Variants in ASB15 observed in about 807,000 individuals in gnomAD.
The protein encoded by ASB15 is ankyrin repeat and SOCS box containing 15, also known as ankyrin repeat and SOCS box protein 15.
ASB15 carries 54 observed loss-of-function variants against 58.0 expected under a neutral mutation model. The ratio of observed to expected loss-of-function variants is 0.93; its 90% CI spans 0.75 to 1.17. The LOEUF is 1.17. Ranked by LOEUF, ASB15 falls within the 50% of genes most tolerant of loss-of-function variation. ASB15 has a pLI of 0.00. For synonymous variants in ASB15, 249 were observed against 262.4 expected (o/e 0.95, Z 0.50); for missense variants, 680 against 707.4 (o/e 0.96, Z 0.44).
chr7:123,574,945 T>C (rs1178679441), intron 1 of ASB15, among the ~76,000 whole-genome samples: 6 of 151,864 alleles, frequency 4.0e-5, no homozygotes, highest in African/African-American at 7.3e-5. Flanking sequence ...TTAAGACACA[T>C]AGGGGAGAAA....
intron 11 of ASB15, among the ~76,000 whole-genome samples, chr7:123,636,411 T>C (rs1290706347): frequency 2.0e-5 from 3 of 152,232 alleles, no homozygotes; most frequent in Non-Finnish European, 2.9e-5. Context: ...TCATGGATAG[T>C]TATTTATCAG....
chr7:123,606,322 T>C (rs1800147102), intron 2 of ASB15, among the ~76,000 whole-genome samples: 4 of 152,202 alleles, frequency 2.6e-5, no homozygotes, highest in Admixed American at 2.6e-4. Flanking sequence ...TTCTACCTGC[T>C]TTCCTGTACA....
rs1802485077 is a variant in ASB15 at position 123,637,523 on chromosome 7, A to C, written c.*542A>C. The C allele has an allele frequency of 6.6e-6, 1 of 152,418 alleles. No homozygotes were observed. Among genetic ancestry groups the C allele is most frequent in the African/African-American group, 2.4e-5 (1 of 41,410 alleles). 9.4% of individuals were successfully genotyped at this position (152,418 alleles called of 1,614,324 possible). A position where few individuals can be genotyped will look rare whatever the true frequency, so the allele number is the denominator to read the frequency against. ...ACATTGTTGCCTGTTCCTTGCTTGAAATGATATCTCTTTCCTTGTTTCTCG... is the reference window on the plus strand; with the variant it reads ...ACATTGTTGCCTGTTCCTTGCTTGACATGATATCTCTTTCCTTGTTTCTCG... On this transcript the variant is annotated 3_prime_UTR_variant, in exon 12 of 12. Transcript: ENST00000451215.
At chr7:123,606,502 T>C (rs1403000073) in intron 2 of ASB15, among the ~76,000 whole-genome samples, 1 of 152,220 alleles carries the variant, frequency 6.6e-6, no homozygotes, top group East Asian at 1.9e-4. Flanking sequence ...TCTTAAAATC[T>C]ACACCCTTAG....
At chr7:123,594,731 C>T (rs981481197) in intron 1 of ASB15, among the ~76,000 whole-genome samples, 4 of 152,172 alleles carry the variant, frequency 2.6e-5, no homozygotes, top group Non-Finnish European at 5.9e-5. Context: ...TGTCAGGCTA[C>T]ACGGGGGTCA....
Position 123,637,757 on chromosome 7 carries a change from T to C in ASB15, c.*776T>C, listed in dbSNP as rs568571304. 5 of 151,412 alleles carry C rather than the reference T, an allele frequency of 3.3e-5. No individual in the cohort carries two copies. The highest frequency in any genetic ancestry group is 7.4e-5 in the Non-Finnish European group (5 of 67,966). 9.4% of individuals were successfully genotyped at this position (151,412 alleles called of 1,614,324 possible). ...TGGTCTTAATCATTTTGCTAGAGAC[T>C]ACAAAATTTCCATCCAAAGCTCAGC... is the stretch of plus-strand genomic sequence containing the variant. On this transcript the variant is annotated 3_prime_UTR_variant, in exon 12 of 12. Transcript: ENST00000451215.
chr7:123,632,301 A>G (rs190589715), intron 11 of ASB15, among the ~76,000 whole-genome samples: 1 of 152,296 alleles, frequency 6.6e-6, no homozygotes, highest in Non-Finnish European at 1.5e-5. Flanking sequence ...AGAAAAAATT[A>G]ATGTCAAATG....
intron 1 of ASB15, among the ~76,000 whole-genome samples, chr7:123,596,631 T>C (rs1469188765): frequency 6.6e-6 from 1 of 151,862 alleles, no homozygotes; most frequent in Non-Finnish European, 1.5e-5. Flanking sequence ...ATAGTAATAA[T>C]AAGGAAAAAA....
chr7:123,629,305 T>C lies in ASB15; in HGVS notation c.1311T>C (p.Asn437=). 1.2e-6 allele frequency: 2 copies of C among 1,614,168 alleles called. No individual in the cohort carries two copies. Among genetic ancestry groups the C allele is most frequent in the Non-Finnish European group, 1.7e-6 (2 of 1,179,996 alleles). ...AGGTAATGCTGAGGCTATTGCTGAA[T>C]AATGGCTATCAAGTGGAGATGTGCT... ...NDEVMLRLLL[N]NGYQVEMCFD... is the part of the protein sequence containing the mutation. The change falls in exon 10 of 12, where the codon AAT becomes AAC. Residue 437 remains asparagine (N), a synonymous_variant. Transcript: ENST00000451215.
intron 1 of ASB15, among the ~76,000 whole-genome samples, chr7:123,586,941 A>G (rs1272776774): frequency 6.6e-6 from 1 of 151,022 alleles, no homozygotes; most frequent in Non-Finnish European, 1.5e-5. Context: ...CTTGTTTACT[A>G]TATCTTTGTC....
intron 2 of ASB15, among the ~76,000 whole-genome samples, chr7:123,608,384 T>G (rs1403065980): frequency 6.6e-6 from 1 of 152,234 alleles, no homozygotes; most frequent in East Asian, 1.9e-4. Flanking sequence ...CCATGCCAGA[T>G]ATCATGTTTA....
intron 8 of ASB15, among the ~76,000 whole-genome samples, chr7:123,625,846 G>GA (rs1187960775): frequency 6.6e-6 from 1 of 152,132 alleles, no homozygotes; most frequent in Non-Finnish European, 1.5e-5. Context: ...TTCCCTGTAG[G>GA]AAAAAGACTA....
chr7:123,574,395 C>G (rs563544429), intron 1 of ASB15, among the ~76,000 whole-genome samples: 1 of 152,244 alleles, frequency 6.6e-6, no homozygotes, highest in South Asian at 2.1e-4. Flanking sequence ...AGATTGCTGG[C>G]TCCAGCTAAA....
chr7:123,624,295 C>T (rs577844852), intron 7 of ASB15, among the ~76,000 whole-genome samples: 2 of 152,162 alleles, frequency 1.3e-5, no homozygotes, highest in Non-Finnish European at 2.9e-5. Flanking sequence ...GGGCACACAG[C>T]ATCCTATCCT....
At chr7:123,623,503 C>T (rs146139388) in intron 7 of ASB15, among the ~76,000 whole-genome samples, 31 of 152,212 alleles carry the variant, frequency 2.0e-4, no homozygotes, top group African/African-American at 7.0e-4. Context: ...CGGTCACTTA[C>T]TTCACTCACT....
intron 2 of ASB15, among the ~76,000 whole-genome samples, chr7:123,605,271 C>A (rs1800088209): frequency 6.6e-6 from 1 of 151,976 alleles, no homozygotes; most frequent in African/African-American, 2.4e-5. Flanking sequence ...TAGAGAAATG[C>A]AAATCAAAAC....
At chr7:123,603,513 T>C (rs1380898297) in intron 1 of ASB15, among the ~76,000 whole-genome samples, 1 of 152,224 alleles carries the variant, frequency 6.6e-6, no homozygotes, top group Non-Finnish European at 1.5e-5. Flanking sequence ...AGAGGGTTTG[T>C]AGCTGGATAA....
rs80120360 is a variant in ASB15 at position 123,623,454 on chromosome 7, C to T, written c.452-1115C>T. 7.5e-3 allele frequency among the ~76,000 whole-genome samples: 1,149 copies of T among 152,200 alleles called. 19 individuals carry two copies. Among genetic ancestry groups the T allele is most frequent in the African/African-American group, 0.026 (1,100 of 41,518 alleles). ...AGAGATGAGCAGAGAGGGAGAGGGA[C>T]AACTGATTTGGTGAACCTCCTTAAT... On this transcript the variant is annotated intron_variant, in intron 7 of 11. Coordinates refer to ENST00000451215, the MANE Select transcript of ASB15 (RefSeq NM_001290258.2).
In ASB15 at chr7:123,622,116, T is replaced by C. The variant is rs61209877; in HGVS notation, c.452-2453T>C. Among the ~76,000 whole-genome samples, 1,020 of 152,362 alleles carry C rather than the reference T, an allele frequency of 6.7e-3. 12 individuals are homozygous for C. Among genetic ancestry groups the C allele is most frequent in the African/African-American group, 0.024 (980 of 41,588 alleles). On this transcript the variant is annotated intron_variant, in intron 7 of 11. Coordinates refer to ENST00000451215, the MANE Select transcript of ASB15 (RefSeq NM_001290258.2). ...CAAGATAACCCTTGCCTATCATCTA[T>C]GCAAAATTCTTAATCTAATTCCCTA...
Sources: gnomAD v4.1 joint callset for allele counts (sites outside exome capture counted in the v4.1 genomes callset) on GRCh38, gnomAD v4.1.1 for gene constraint, MANE v1.5 for transcripts, NCBI Gene and HGNC (gene_info 2026-07-23, HGNC 2026-07-21) for gene names.